ACER3: variants seen among roughly 807,000 people sequenced by gnomAD.
The protein encoded by ACER3 is alkaline ceramidase 3, also known as alkCDase 3.
ACER3 carries 16 observed loss-of-function variants against 48.9 expected under a neutral mutation model. The ratio of observed to expected loss-of-function variants is 0.33; its 90% CI spans 0.22 to 0.50. The LOEUF is 0.50. Among genes scored for constraint, ACER3 ranks in the 20% least tolerant of loss-of-function variants. The pLI, the probability that ACER3 is intolerant of heterozygous loss-of-function variation, is 0.98. For missense variants in ACER3, 227 were observed against 326.0 expected (o/e 0.70, Z 2.34); for synonymous variants, 109 against 107.8 (o/e 1.01, Z -0.07).
intron 4 of ACER3, among the ~76,000 whole-genome samples, chr11:76,981,796 G>A (rs1380609699): frequency 6.6e-6 from 1 of 152,144 alleles, no homozygotes; most frequent in East Asian, 1.9e-4. Flanking sequence ...TGAACATTAA[G>A]GTTATTGCCA....
intron 3 of ACER3, among the ~76,000 whole-genome samples, chr11:76,975,780 A>G (rs1948424139): frequency 6.6e-6 from 1 of 152,188 alleles, no homozygotes; most frequent in African/African-American, 2.4e-5. Flanking sequence ...GTTCAAAAAC[A>G]GTAAACTACA....
chr11:76,997,249 A>G (rs1012550898), intron 6 of ACER3, among the ~76,000 whole-genome samples: 8 of 152,194 alleles, frequency 5.3e-5, no homozygotes, highest in African/African-American at 1.7e-4. Context: ...TAAACACCGT[A>G]TCCTCCAGAA....
intron 3 of ACER3, among the ~76,000 whole-genome samples, chr11:76,974,009 C>T (rs1350161540): frequency 6.6e-6 from 1 of 152,150 alleles, no homozygotes; most frequent in East Asian, 1.9e-4. Flanking sequence ...TGTCTTAGCA[C>T]TCTTATTGAA....
intron 1 of ACER3, among the ~76,000 whole-genome samples, chr11:76,892,685 T>A (rs1038558691): frequency 6.6e-6 from 1 of 152,308 alleles, no homozygotes; most frequent in East Asian, 1.9e-4. Flanking sequence ...ATTTGGGAAT[T>A]TTTTTTAAAT....
intron 6 of ACER3, among the ~76,000 whole-genome samples, chr11:76,992,045 T>C (rs1197053006): frequency 6.7e-6 from 1 of 149,684 alleles, no homozygotes; most frequent in African/African-American, 2.5e-5. Flanking sequence ...CTGGGAAACA[T>C]AGCAAAAAAA....
chr11:76,986,769 A>G (rs1450955241), intron 5 of ACER3, among the ~76,000 whole-genome samples: 1 of 152,200 alleles, frequency 6.6e-6, no homozygotes, highest in African/African-American at 2.4e-5. Context: ...TTTATCCTCG[A>G]AGAAGTGTGG....
At chr11:76,940,193 G>A (rs1947300903) in intron 2 of ACER3, among the ~76,000 whole-genome samples, 1 of 151,212 alleles carries the variant, frequency 6.6e-6, no homozygotes, top group South Asian at 2.1e-4. Context: ...ATGTTGGCCT[G>A]GGTTGGCCTT....
At chr11:76,906,116 G>A (rs1215308228) in intron 1 of ACER3, among the ~76,000 whole-genome samples, 1 of 152,148 alleles carries the variant, frequency 6.6e-6, no homozygotes, top group African/African-American at 2.4e-5. Context: ...GAGGAATTTC[G>A]TTTATAGTTT....
chr11:77,023,268 C>T lies in ACER3; in HGVS notation c.*2941C>T. ...ATGGTTTAAATATAATGCAAAATTT[C>T]AGGACAGTTAATTTGGACTTCCCTT... On this transcript the variant is annotated 3_prime_UTR_variant, in exon 11 of 11. Coordinates refer to ENST00000532485, the MANE Select transcript of ACER3 (RefSeq NM_018367.7). 2 of 397,818 alleles carry T rather than the reference C, an allele frequency of 5.0e-6. No individual in the cohort carries two copies. Among genetic ancestry groups the T allele is most frequent in the Non-Finnish European group, 8.9e-6 (2 of 225,562 alleles). The allele number at this position is 397,818 out of a possible 1,614,324, so 24.6% of individuals were successfully genotyped here. A position where few individuals can be genotyped will look rare whatever the true frequency, so the allele number is the denominator to read the frequency against.
chr11:77,020,415 A>G lies in ACER3; in HGVS notation c.*88A>G. 6.9e-7 allele frequency: 1 copy of G among 1,441,710 alleles called. No individual in the cohort carries two copies. The highest frequency in any genetic ancestry group is 9.6e-7 in the Non-Finnish European group (1 of 1,041,986). The allele number at this position is 1,441,710 out of a possible 1,614,324, so 89.3% of individuals were successfully genotyped here. On this transcript the variant is annotated 3_prime_UTR_variant, in exon 11 of 11. Coordinates refer to ENST00000532485, the MANE Select transcript of ACER3 (RefSeq NM_018367.7). ...AATCCTTAAAGATCTACAAGTTCAA[A>G]TATGTCATGACCATCACAGCAGAGG...
intron 1 of ACER3, among the ~76,000 whole-genome samples, chr11:76,866,421 A>C (rs1945091135): frequency 6.6e-6 from 1 of 152,196 alleles, no homozygotes; most frequent in Non-Finnish European, 1.5e-5. Context: ...ACTGATCATC[A>C]ACAGACAGTG....
intron 1 of ACER3, among the ~76,000 whole-genome samples, chr11:76,886,868 G>A (rs1473250296): frequency 6.6e-6 from 1 of 152,068 alleles, no homozygotes; most frequent in Non-Finnish European, 1.5e-5. Context: ...TGTAGAGACG[G>A]GGTTTTGGCA....
At chr11:76,862,880 A>G (rs10899298) in intron 1 of ACER3, among the ~76,000 whole-genome samples, 103,935 of 152,036 alleles carry the variant, frequency 0.68, 35,926 homozygotes, top group Non-Finnish European at 0.74. Context: ...GGCTGGCCTT[A>G]GTTGCAGCTT....
At position 76,904,113 on chromosome 11, in the gene ACER3, A is replaced by G. The variant is rs184053819; in HGVS notation, c.104-22444A>G. Among the ~76,000 whole-genome samples the G allele has an allele frequency of 3.3e-3, 509 of 152,170 alleles. 3 individuals are homozygous for G. The highest frequency in any genetic ancestry group is 7.8e-3 in the Admixed American group (119 of 15,284). On this transcript the variant is annotated intron_variant, in intron 1 of 10. Transcript: ENST00000532485. Reference sequence around the variant, plus strand: ...GTGATTCTCGTGCCTCAGTCTCCCAAGTAGCTAGGATTAGGGGCACACACC... The same window carrying G: ...GTGATTCTCGTGCCTCAGTCTCCCAGGTAGCTAGGATTAGGGGCACACACC...
intron 1 of ACER3, among the ~76,000 whole-genome samples, chr11:76,899,084 A>G (rs1346416364): frequency 3.3e-5 from 5 of 152,304 alleles, no homozygotes; most frequent in African/African-American, 4.8e-5. Context: ...CAAGATTTCA[A>G]AGAGAAAGCA....
At chr11:76,902,410 C>T (rs181972205) in intron 1 of ACER3, among the ~76,000 whole-genome samples, 3 of 152,300 alleles carry the variant, frequency 2.0e-5, no homozygotes, top group Admixed American at 6.5e-5. Flanking sequence ...AGGTATTTCA[C>T]AAAAAGTGCA....
intron 1 of ACER3, among the ~76,000 whole-genome samples, chr11:76,921,972 T>C (rs1343018360): frequency 6.6e-6 from 1 of 152,168 alleles, no homozygotes; most frequent in African/African-American, 2.4e-5. Flanking sequence ...CTGTTTTGTT[T>C]AGGGTGCCAC....
intron 1 of ACER3, among the ~76,000 whole-genome samples, chr11:76,903,671 C>T (rs1946142618): frequency 1.3e-5 from 2 of 152,144 alleles, no homozygotes; most frequent in African/African-American, 2.4e-5. Flanking sequence ...AGATACCCAA[C>T]TCCAACCTGA....
chr11:77,001,552 G>A (rs552399935), intron 7 of ACER3, among the ~76,000 whole-genome samples: 1 of 152,094 alleles, frequency 6.6e-6, no homozygotes, highest in African/African-American at 2.4e-5. Flanking sequence ...CAACACGCTC[G>A]GCCCTGTAGA....
Sources: gnomAD v4.1 joint callset for allele counts (sites outside exome capture counted in the v4.1 genomes callset) on GRCh38, gnomAD v4.1.1 for gene constraint, MANE v1.5 for transcripts, NCBI Gene and HGNC (gene_info 2026-07-23, HGNC 2026-07-21) for gene names.